DGKB: variants seen among roughly 807,000 people sequenced by gnomAD.
The protein encoded by DGKB is diacylglycerol kinase beta.
DGKB carries 67 observed loss-of-function variants against 114.3 expected under a neutral mutation model. The observed-to-expected ratio is 0.59, with a 90% CI of 0.48 to 0.72. DGKB has a LOEUF of 0.72. Among genes scored for constraint, DGKB ranks in the 30% least tolerant of loss-of-function variants. The pLI is 0.00. For missense variants in DGKB, 907 were observed against 975.2 expected, an observed-to-expected ratio of 0.93 and a Z score of 0.93; for synonymous variants, 398 against 323.1, an observed-to-expected ratio of 1.23 and a Z score of -2.49.
chr7:14,615,484 C>T (rs570206809), intron 15 of DGKB, among the ~76,000 whole-genome samples: 4 of 151,478 alleles, frequency 2.6e-5, no homozygotes, highest in African/African-American at 9.7e-5. Context: ...AAATAAATAT[C>T]CCACTGGAAT....
At chr7:14,533,466 G>A (rs1421271047) in intron 20 of DGKB, among the ~76,000 whole-genome samples, 2 of 151,322 alleles carry the variant, frequency 1.3e-5, no homozygotes, top group Non-Finnish European at 3.0e-5. Flanking sequence ...GATAAGAAAA[G>A]GGAAGAAAAC....
At chr7:14,701,042 G>C (rs1204063283) in intron 7 of DGKB, among the ~76,000 whole-genome samples, 3 of 152,022 alleles carry the variant, frequency 2.0e-5, no homozygotes, top group Non-Finnish European at 2.9e-5. Context: ...AGCTAGCAAT[G>C]ATTTCCATAT....
intron 21 of DGKB, among the ~76,000 whole-genome samples, chr7:14,371,097 C>T (rs2128653077): frequency 6.6e-6 from 1 of 152,226 alleles, no homozygotes; most frequent in South Asian, 2.1e-4. Context: ...GATTCCATGT[C>T]TTGGCTAGTG....
At chr7:14,486,582 T>A (rs1193860292) in intron 20 of DGKB, among the ~76,000 whole-genome samples, 1 of 152,076 alleles carries the variant, frequency 6.6e-6, no homozygotes, top group Non-Finnish European at 1.5e-5. Flanking sequence ...ACTGTGGGGA[T>A]CTCAACTGGC....
intron 23 of DGKB, among the ~76,000 whole-genome samples, chr7:14,246,052 T>C (rs1280350655): frequency 2.0e-5 from 3 of 152,230 alleles, no homozygotes; most frequent in African/African-American, 7.2e-5. Context: ...ATTGGCATTC[T>C]GGTTACAAAT....
chr7:14,493,289 T>G (rs1022519604), intron 20 of DGKB, among the ~76,000 whole-genome samples: 3 of 152,076 alleles, frequency 2.0e-5, no homozygotes, highest in Non-Finnish European at 2.9e-5. Context: ...TGCCTGAAAC[T>G]GCAGATAGTA....
At chr7:14,821,698 T>C (rs1006801905) in intron 2 of DGKB, among the ~76,000 whole-genome samples, 2 of 152,174 alleles carry the variant, frequency 1.3e-5, no homozygotes, top group African/African-American at 4.8e-5. Context: ...TAGTGCTTTA[T>C]GTACATCAGG....
chr7:14,832,205 A>T (rs1846515829), intron 2 of DGKB, among the ~76,000 whole-genome samples: 1 of 152,088 alleles, frequency 6.6e-6, no homozygotes, highest in Non-Finnish European at 1.5e-5. Context: ...CTGACGGCCA[A>T]AACTAACAAG....
At chr7:14,607,374 G>T in intron 17 of DGKB, 60 bp downstream of exon 17, 1 of 850,000 alleles carries the variant, frequency 1.2e-6, no homozygotes, top group Non-Finnish European at 2.0e-6. Context: ...ATGTCAGGCA[G>T]CTTATTTAAT....
At chr7:14,925,872 C>T (rs1481623677) in intron 1 of DGKB, among the ~76,000 whole-genome samples, 1 of 146,544 alleles carries the variant, frequency 6.8e-6, no homozygotes, top group African/African-American at 2.4e-5. Flanking sequence ...GGGTCCCCCC[C>T]CCACTTCCAG....
intron 23 of DGKB, chr7:14,268,870 T>C (rs1435313826): frequency 1.3e-5 from 2 of 152,222 alleles, no homozygotes; most frequent in African/African-American, 4.8e-5. Context: ...GAGCAGTGTA[T>C]TGGTTATCTA....
intron 6 of DGKB, among the ~76,000 whole-genome samples, chr7:14,712,899 A>G (rs2128337836): frequency 6.6e-6 from 1 of 152,176 alleles, no homozygotes; most frequent in East Asian, 1.9e-4. Context: ...GGTCAAGGGA[A>G]TCACTGAACA....
Position 14,963,180 on chromosome 7 carries a change from G to C in DGKB, c.-188+11516C>G, listed in dbSNP as rs371494651. Among the ~76,000 whole-genome samples, 52 of 152,138 alleles carry C rather than the reference G, an allele frequency of 3.4e-4. 2 individuals are homozygous for C. The South Asian group carries it at 8.9e-3, about 26-fold the overall frequency. ...ATGAGCAGAAACGTTTTGTTATTTT[G>C]CTTGGTGGATGCTCTCTTCTGTGGC... On this transcript the variant is annotated intron_variant, in intron 1 of 4. Coordinates refer to the DGKB transcript ENST00000437998.
At chr7:14,540,133 T>C (rs193200306) in intron 20 of DGKB, among the ~76,000 whole-genome samples, 34 of 152,180 alleles carry the variant, frequency 2.2e-4, no homozygotes, top group Admixed American at 1.9e-3. Context: ...TATGCCAGAA[T>C]CAATAGTATC....
At chr7:14,193,389 A>G (rs376964250) in intron 23 of DGKB, among the ~76,000 whole-genome samples, 4 of 152,186 alleles carry the variant, frequency 2.6e-5, no homozygotes, top group African/African-American at 7.2e-5. Context: ...CCAGAAATAC[A>G]TTCAACACCT....
At chr7:14,510,635 G>A (rs959059985) in intron 20 of DGKB, among the ~76,000 whole-genome samples, 5 of 152,028 alleles carry the variant, frequency 3.3e-5, no homozygotes, top group African/African-American at 4.8e-5. Flanking sequence ...CTCCTCCCAA[G>A]AATCATAAAT....
chr7:14,903,585 C>T (rs980595833), upstream of DGKB, among the ~76,000 whole-genome samples: 1 of 152,140 alleles, frequency 6.6e-6, no homozygotes, highest in Admixed American at 6.6e-5. Context: ...CTGCCGAAGC[C>T]ACTTCTACCA....
intron 2 of DGKB, among the ~76,000 whole-genome samples, chr7:14,825,522 A>G (rs746108778): frequency 6.6e-6 from 1 of 152,076 alleles, no homozygotes; most frequent in Non-Finnish European, 1.5e-5. Context: ...GCAGTTTACA[A>G]TAGGGTTTGT....
At chr7:14,261,973 A>C (rs1796841749) in intron 23 of DGKB, among the ~76,000 whole-genome samples, 1 of 152,236 alleles carries the variant, frequency 6.6e-6, no homozygotes, top group African/African-American at 2.4e-5. Context: ...ACGATTATGC[A>C]TAGTGAAATG....
Sources: gnomAD v4.1 joint callset for allele counts (sites outside exome capture counted in the v4.1 genomes callset) on GRCh38, gnomAD v4.1.1 for gene constraint, MANE v1.5 for transcripts, NCBI Gene and HGNC (gene_info 2026-07-23, HGNC 2026-07-21) for gene names.